Variants in DNAJC1 observed in about 807,000 individuals in gnomAD.
DNAJC1 encodes the protein dnaJ homolog subfamily C member 1.
A neutral mutation model predicts 76.6 loss-of-function variants in DNAJC1; 58 were observed. The ratio of observed to expected loss-of-function variants is 0.76; its 90% CI spans 0.61 to 0.94. The LOEUF (loss-of-function observed/expected upper bound fraction) is 0.94, where lower values mean the gene tolerates loss of function less well. Among genes scored for constraint, DNAJC1 ranks in the 40% least tolerant of loss-of-function variants. The pLI is 0.00. For synonymous variants in DNAJC1, 258 were observed against 267.9 expected, an observed-to-expected ratio of 0.96 and a Z score of 0.36; for missense variants, 689 against 677.3, an observed-to-expected ratio of 1.02 and a Z score of -0.19.
At chr10:21,797,500 A>T (rs973062230) in intron 9 of DNAJC1, among the ~76,000 whole-genome samples, 2 of 152,178 alleles carry the variant, frequency 1.3e-5, no homozygotes, top group African/African-American at 4.8e-5. Context: ...TTTTTTAAAC[A>T]AAAAAATTTT....
chr10:21,952,079 T>G (rs1365005771), intron 1 of DNAJC1, among the ~76,000 whole-genome samples: 3 of 152,226 alleles, frequency 2.0e-5, no homozygotes. Flanking sequence ...AAATAGAAAA[T>G]CAACTGTTGC....
intron 1 of DNAJC1, among the ~76,000 whole-genome samples, chr10:21,941,467 A>G (rs1371826979): frequency 6.6e-6 from 1 of 152,074 alleles, no homozygotes; most frequent in Non-Finnish European, 1.5e-5. Flanking sequence ...TGGGTATTTA[A>G]TATCTCTTTA....
intron 1 of DNAJC1, among the ~76,000 whole-genome samples, chr10:21,975,501 T>C (rs770635931): frequency 7.9e-5 from 12 of 152,122 alleles, no homozygotes; most frequent in Non-Finnish European, 1.8e-4. Context: ...GGTTCAACTG[T>C]ATAAATAAAA....
chr10:21,790,002 T>G (rs1353896343), intron 9 of DNAJC1, among the ~76,000 whole-genome samples: 1 of 92,392 alleles, frequency 1.1e-5, no homozygotes, highest in African/African-American at 4.8e-5. Flanking sequence ...ACAGCAAGGC[T>G]CTGTCTTTAA....
chr10:21,802,093 C>G (rs968847135), intron 9 of DNAJC1, among the ~76,000 whole-genome samples: 4 of 152,060 alleles, frequency 2.6e-5, no homozygotes, highest in Non-Finnish European at 4.4e-5. Flanking sequence ...ACGAGTTTAC[C>G]TGTATAACAA....
chr10:21,831,664 C>G (rs1835358059), intron 8 of DNAJC1, among the ~76,000 whole-genome samples: 2 of 152,088 alleles, frequency 1.3e-5, no homozygotes, highest in Non-Finnish European at 1.5e-5. Flanking sequence ...GTGGCAGGCG[C>G]CTGTAGTCCC....
intron 8 of DNAJC1, among the ~76,000 whole-genome samples, chr10:21,875,827 A>G (rs987522528): frequency 3.3e-5 from 5 of 152,108 alleles, no homozygotes; most frequent in Non-Finnish European, 7.4e-5. Context: ...CCAGGGGCTG[A>G]GGCAGGAGAA....
chr10:21,835,675 G>A (rs542732358), intron 8 of DNAJC1, among the ~76,000 whole-genome samples: 6 of 152,348 alleles, frequency 3.9e-5, no homozygotes, highest in East Asian at 1.9e-4. Flanking sequence ...GCTACGTGAC[G>A]AATGCAGAAG....
intron 10 of DNAJC1, among the ~76,000 whole-genome samples, chr10:21,765,215 CT>C (rs1204821405): frequency 3.3e-5 from 5 of 152,056 alleles, no homozygotes; most frequent in Non-Finnish European, 7.4e-5. Flanking sequence ...AAGTTGAATT[CT>C]TTTAAAAAAA....
chr10:21,811,529 C>T (rs1834966358), intron 8 of DNAJC1, among the ~76,000 whole-genome samples: 1 of 152,152 alleles, frequency 6.6e-6, no homozygotes, highest in East Asian at 1.9e-4. Flanking sequence ...CAAGTAATGA[C>T]TTGAAATGGT....
intron 1 of DNAJC1, among the ~76,000 whole-genome samples, chr10:21,930,410 T>C (rs1436891661): frequency 6.6e-6 from 1 of 152,194 alleles, no homozygotes; most frequent in Admixed American, 6.5e-5. Flanking sequence ...CCAAAAACTA[T>C]TAAGAAGTTC....
chr10:21,782,400 T>G (rs908598033), intron 9 of DNAJC1, among the ~76,000 whole-genome samples: 2 of 152,116 alleles, frequency 1.3e-5, no homozygotes, highest in Non-Finnish European at 2.9e-5. Flanking sequence ...CAATAATTAA[T>G]AGCCTACCAA....
At chr10:21,881,375 T>C (rs1479745129) in intron 8 of DNAJC1, among the ~76,000 whole-genome samples, 1 of 152,204 alleles carries the variant, frequency 6.6e-6, no homozygotes, top group Non-Finnish European at 1.5e-5. Flanking sequence ...AGGCCTAGCT[T>C]TTGGCCTATC....
intron 8 of DNAJC1, among the ~76,000 whole-genome samples, chr10:21,881,581 G>C (rs1267693501): frequency 6.6e-6 from 1 of 152,020 alleles, no homozygotes; most frequent in Non-Finnish European, 1.5e-5. Context: ...TTGATTAGTA[G>C]AGCAGCCAGA....
intron 1 of DNAJC1, among the ~76,000 whole-genome samples, chr10:21,947,442 TAAG>T (rs1004990592): frequency 6.6e-6 from 1 of 152,190 alleles, no homozygotes; most frequent in Non-Finnish European, 1.5e-5. Flanking sequence ...GTCTACTCAA[TAAG>T]AAGATGCAAA....
At chr10:21,846,904 G>A (rs1373628864) in intron 8 of DNAJC1, among the ~76,000 whole-genome samples, 2 of 143,518 alleles carry the variant, frequency 1.4e-5, no homozygotes, top group Admixed American at 7.0e-5. Flanking sequence ...TTTAAACTCC[G>A]TTTTCAGTTC....
At chr10:21,977,396 A>C (rs543895428) in intron 1 of DNAJC1, among the ~76,000 whole-genome samples, 134 of 152,286 alleles carry the variant, frequency 8.8e-4, no homozygotes, top group Admixed American at 1.6e-3. Context: ...TCAAGAATTT[A>C]CTCCTTATTT....
At chr10:21,841,624 G>A (rs1389222909) in intron 8 of DNAJC1, among the ~76,000 whole-genome samples, 4 of 152,182 alleles carry the variant, frequency 2.6e-5, no homozygotes, top group African/African-American at 7.2e-5. Context: ...AGAGGATGTG[G>A]AGTAATAGGA....
intron 1 of DNAJC1, among the ~76,000 whole-genome samples, chr10:21,948,161 G>A (rs951875185): frequency 3.3e-5 from 5 of 150,474 alleles, no homozygotes; most frequent in African/African-American, 1.2e-4. Context: ...CACAATCTTG[G>A]CTCACTGCAA....
Sources: gnomAD v4.1 joint callset for allele counts (sites outside exome capture counted in the v4.1 genomes callset) on GRCh38, gnomAD v4.1.1 for gene constraint, MANE v1.5 for transcripts, NCBI Gene and HGNC (gene_info 2026-07-23, HGNC 2026-07-21) for gene names.